Variants in ZNF891 observed in about 807,000 individuals in gnomAD.
ZNF891 encodes hCG1646157.
For synonymous variants in ZNF891, 199 were observed against 209.0 expected, an observed-to-expected ratio of 0.95 and a Z score of 0.41; for missense variants, 589 against 632.7, an observed-to-expected ratio of 0.93 and a Z score of 0.74.
rs1472810584 is a variant in ZNF891, at chr12:133,118,165, G to C, written c.*2119C>G. The C allele has an allele frequency of 6.6e-6, 1 of 151,890 alleles. No homozygotes were observed. Among genetic ancestry groups the C allele is most frequent in the Non-Finnish European group, 1.5e-5 (1 of 67,998 alleles). 9.4% of individuals were successfully genotyped at this position (151,890 alleles called of 1,614,324 possible). On this transcript the variant is annotated 3_prime_UTR_variant, in exon 2 of 2. Coordinates refer to ENST00000537226, the MANE Select transcript of ZNF891 (RefSeq NM_001277291.2). ...TCACCATGTTGGCCAGGATGGTCTC[G>C]ATCTGACCTTGTGATCCGCCTGCCT...
In ZNF891 at chr12:133,108,791, TGTA is replaced by T. The variant is rs773858866; in HGVS notation, c.*11490_*11492del. 10 of 152,206 alleles carry T rather than the reference TGTA, an allele frequency of 6.6e-5. No homozygotes were observed. Among genetic ancestry groups the T allele is most frequent in the Non-Finnish European group, 1.3e-4 (9 of 68,034 alleles). 9.4% of individuals were successfully genotyped at this position (152,206 alleles called of 1,614,324 possible). On this transcript the variant is annotated 3_prime_UTR_variant, in exon 2 of 2. Transcript: ENST00000537226. Reference sequence around the variant, plus strand: ...TGCAATACTTAAATTTTAATACTCTTGTAGGAGAAAAAGCAACTGTATAAATGA... The same window carrying T: ...TGCAATACTTAAATTTTAATACTCTTGGAGAAAAAGCAACTGTATAAATGA...
chr12:133,120,734 CAT>C lies in ZNF891; in HGVS notation c.1183_1184del (p.Met395GlufsTer10). 1 of 1,567,770 alleles carries C rather than the reference CAT, an allele frequency of 6.4e-7. No individual in the cohort carries two copies. The highest frequency in any genetic ancestry group is 1.2e-5 in the South Asian group (1 of 85,572). On this transcript the variant is annotated frameshift_variant, in exon 2 of 2. Transcript: ENST00000537226. LOFTEE classifies it low-confidence loss of function (END_TRUNC). ...FSQKTSLKAH[M>X]RTHTGEKPYE... ...AAGGTTTCTCTCCAGTGTGAGTTCTCATGTGAGCCTTAAGGGATGTTTTTTGA... is the reference window on the plus strand; with the variant it reads ...AAGGTTTCTCTCCAGTGTGAGTTCTCGTGAGCCTTAAGGGATGTTTTTTGA...
intron 1 of ZNF891, among the ~76,000 whole-genome samples, chr12:133,129,009 G>GA (rs1303805193): frequency 6.6e-6 from 1 of 151,224 alleles, no homozygotes; most frequent in Non-Finnish European, 1.5e-5. Context: ...GTTCAAAAAA[G>GA]AAAAAAATAA....
intron 1 of ZNF891, among the ~76,000 whole-genome samples, chr12:133,124,560 CT>C (rs1191870172): frequency 4.0e-5 from 6 of 151,526 alleles, no homozygotes; most frequent in Admixed American, 2.6e-4. Flanking sequence ...ATGTGTAAAA[CT>C]TTAAAGTTAC....
At chr12:133,129,598 G>A (rs1242864310) in intron 1 of ZNF891, among the ~76,000 whole-genome samples, 1 of 152,060 alleles carries the variant, frequency 6.6e-6, no homozygotes, top group Non-Finnish European at 1.5e-5. Flanking sequence ...GGCGGGGGGC[G>A]GTGAGGGGTG....
intron 1 of ZNF891, among the ~76,000 whole-genome samples, chr12:133,129,884 C>T (rs900185391): frequency 6.6e-6 from 1 of 152,222 alleles, no homozygotes; most frequent in East Asian, 1.9e-4. Context: ...TCAAGAGAGG[C>T]TGCTGGACAG....
chr12:133,120,544 C>T lies in ZNF891; in HGVS notation c.1375G>A (p.Val459Ile). The T allele has an allele frequency of 1.3e-6, 2 of 1,565,350 alleles. No homozygotes were observed. The highest frequency in any genetic ancestry group is 1.7e-6 in the Non-Finnish European group (2 of 1,156,668). ...TTCCCACAGTCACTGCATTCATAAA[C>T]ATTCTCTCCGGTATGAATTTTCTTA... ...VHKKIHTGENVYECSDCGKVF... is the reference protein window; with the variant it reads ...VHKKIHTGENIYECSDCGKVF... The change falls in exon 2 of 2, where the codon GTT becomes ATT. Residue 459 changes from valine (V) to isoleucine (I), a missense_variant. Coordinates refer to ENST00000537226, the MANE Select transcript of ZNF891 (RefSeq NM_001277291.2).
At position 133,121,939 on chromosome 12, in the gene ZNF891, C is replaced by A; in HGVS notation, c.-21G>T. ...GCCATTTTATGAGTACATAAGCCTG[C>A]ACAGTAGAGTAGAGAGATCAGGATG... On this transcript the variant is annotated 5_prime_UTR_variant, in exon 2 of 2. Transcript: ENST00000537226. 6.6e-7 allele frequency: 1 copy of A among 1,515,664 alleles called. No homozygotes were observed. 93.9% of individuals were successfully genotyped at this position (1,515,664 alleles called of 1,614,324 possible).
At chr12:133,125,193 G>T (rs1170473108) in intron 1 of ZNF891, among the ~76,000 whole-genome samples, 1 of 152,072 alleles carries the variant, frequency 6.6e-6, no homozygotes, top group African/African-American at 2.4e-5. Flanking sequence ...TAGAGACAGG[G>T]TGTCACTATA....
chr12:133,107,922 GT>G lies in ZNF891; in HGVS notation c.*12361del, dbSNP rs1236680230. ...CATTGAGGGCACATTTGTAGGAGGT[GT>G]TATTAGATAAATATAAGTAATTTTG... On this transcript the variant is annotated 3_prime_UTR_variant, in exon 2 of 2. Transcript: ENST00000537226. The G allele has an allele frequency of 6.6e-6, 1 of 152,172 alleles. No homozygotes were observed. Among genetic ancestry groups the G allele is most frequent in the African/African-American group, 2.4e-5 (1 of 41,448 alleles). The allele number at this position is 152,172 out of a possible 1,614,324, so 9.4% of individuals were successfully genotyped here.
chr12:133,112,000 AACTT>A lies in ZNF891; in HGVS notation c.*8280_*8283del, dbSNP rs1955685579. ...AAACAAATAATTTCAATCTCTGAAAAACTTAAATAGTTCCTCATAACTCTTCAAA... is the reference window on the plus strand; with the variant it reads ...AAACAAATAATTTCAATCTCTGAAAAAAATAGTTCCTCATAACTCTTCAAA... On this transcript the variant is annotated 3_prime_UTR_variant, in exon 2 of 2. Coordinates refer to ENST00000537226, the MANE Select transcript of ZNF891 (RefSeq NM_001277291.2). The A allele has an allele frequency of 6.6e-6, 1 of 152,170 alleles. No homozygotes were observed. The highest frequency in any genetic ancestry group is 1.5e-5 in the Non-Finnish European group (1 of 68,012). 9.4% of individuals were successfully genotyped at this position (152,170 alleles called of 1,614,324 possible).
chr12:133,120,601 CT>C lies in ZNF891; in HGVS notation c.1317del (p.Ala440ProfsTer40). ...TTAAGGTGAGAGCTCGTGTTGAAGG[CT>C]TTTCCACACTCACTGCATTCATAGA... Reference protein sequence around the residue: ...EKLYECSECGKAFNTSSHLKV... With the variant: ...EKLYECSECGXAFNTSSHLKV... On this transcript the variant is annotated frameshift_variant, in exon 2 of 2. Coordinates refer to ENST00000537226, the MANE Select transcript of ZNF891 (RefSeq NM_001277291.2). LOFTEE classifies it low-confidence loss of function (END_TRUNC). The C allele has an allele frequency of 6.4e-7, 1 of 1,560,432 alleles. No homozygotes were observed.
At chr12:133,124,193 A>G (rs1339004364) in intron 1 of ZNF891, among the ~76,000 whole-genome samples, 1 of 152,248 alleles carries the variant, frequency 6.6e-6, no homozygotes, top group Non-Finnish European at 1.5e-5. Context: ...GTAGCTAGAC[A>G]TTTAGTACAT....
Position 133,106,796 on chromosome 12 carries a change from G to A in ZNF891, c.*13488C>T. On this transcript the variant is annotated 3_prime_UTR_variant, in exon 2 of 2. Transcript: ENST00000537226. ...TGGCCCACACTTTATTCACCACCCT[G>A]GAGAAAAAAAAACCCAGGAATATGT... 1.5e-6 allele frequency: 1 copy of A among 662,370 alleles called. No individual in the cohort carries two copies. Among genetic ancestry groups the A allele is most frequent in the Non-Finnish European group, 2.3e-6 (1 of 443,416 alleles). The allele number at this position is 662,370 out of a possible 1,614,324, so 41.0% of individuals were successfully genotyped here. A position where few individuals can be genotyped will look rare whatever the true frequency, so the allele number is the denominator to read the frequency against.
chr12:133,120,608 ACACT>A lies in ZNF891; in HGVS notation c.1307_1310del (p.Glu436ValfsTer43), dbSNP rs1405623421. The A allele has an allele frequency of 6.4e-7, 1 of 1,560,592 alleles. No homozygotes were observed. Among genetic ancestry groups the A allele is most frequent in the African/African-American group, 1.4e-5 (1 of 73,292 alleles). On this transcript the variant is annotated frameshift_variant, in exon 2 of 2. Coordinates refer to ENST00000537226, the MANE Select transcript of ZNF891 (RefSeq NM_001277291.2). LOFTEE classifies it low-confidence loss of function (END_TRUNC). ...GAGAGCTCGTGTTGAAGGCTTTTCC[ACACT>A]CACTGCATTCATAGAGTTTTTCTCC...
chr12:133,111,737 C>T lies in ZNF891; in HGVS notation c.*8547G>A, dbSNP rs955966798. ...AATTTAAGTCATGACATGTATTAGC[C>T]ATGAATTTCCTGTTTATGCTAAAAC... On this transcript the variant is annotated 3_prime_UTR_variant, in exon 2 of 2. Transcript: ENST00000537226. 1.3e-5 allele frequency: 2 copies of T among 152,012 alleles called. No homozygotes were observed. The highest frequency in any genetic ancestry group is 4.8e-5 in the African/African-American group (2 of 41,380). The allele number at this position is 152,012 out of a possible 1,614,324, so 9.4% of individuals were successfully genotyped here. A position where few individuals can be genotyped will look rare whatever the true frequency, so the allele number is the denominator to read the frequency against.
rs974366698 is a variant in ZNF891, at chr12:133,115,935, A to G, written c.*4349T>C. ...TCTTTTGAAAGTCACATCGGCGCACAAGGTTTCAGGTTTTGGAGCATTCTG... is the reference window on the plus strand; with the variant it reads ...TCTTTTGAAAGTCACATCGGCGCACGAGGTTTCAGGTTTTGGAGCATTCTG... On this transcript the variant is annotated 3_prime_UTR_variant, in exon 2 of 2. Coordinates refer to ENST00000537226, the MANE Select transcript of ZNF891 (RefSeq NM_001277291.2). 2 of 152,160 alleles carry G rather than the reference A, an allele frequency of 1.3e-5. No homozygotes were observed. Among genetic ancestry groups the G allele is most frequent in the Non-Finnish European group, 1.5e-5 (1 of 68,024 alleles). The allele number at this position is 152,160 out of a possible 1,614,324, so 9.4% of individuals were successfully genotyped here.
At position 133,106,565 on chromosome 12, in the gene ZNF891, A is replaced by G. The variant is rs1181175855; in HGVS notation, c.*13719T>C. 1.2e-6 allele frequency: 2 copies of G among 1,613,774 alleles called. No individual in the cohort carries two copies. The highest frequency in any genetic ancestry group is 1.7e-6 in the Non-Finnish European group (2 of 1,179,986). On this transcript the variant is annotated 3_prime_UTR_variant, in exon 2 of 2. Transcript: ENST00000537226. Reference sequence around the variant, plus strand: ...CTTCAGCTGGAGCTCAAACCTTGCTAAACATCAGAGGACACACACTCTTGA... The same window carrying G: ...CTTCAGCTGGAGCTCAAACCTTGCTGAACATCAGAGGACACACACTCTTGA...
chr12:133,126,422 C>T (rs571225529), intron 1 of ZNF891, among the ~76,000 whole-genome samples: 2 of 141,834 alleles, frequency 1.4e-5, no homozygotes, highest in East Asian at 2.1e-4. Context: ...TGCAGTGAGC[C>T]GAGGTCGTAC....
Sources: gnomAD v4.1 joint callset for allele counts (sites outside exome capture counted in the v4.1 genomes callset) on GRCh38, gnomAD v4.1.1 for gene constraint, MANE v1.5 for transcripts, NCBI Gene and HGNC (gene_info 2026-07-23, HGNC 2026-07-21) for gene names.